C8orf34: variants seen among roughly 807,000 people sequenced by gnomAD.
C8orf34 encodes chromosome 8 open reading frame 34.
Under a neutral mutation model 68.3 loss-of-function variants are expected in C8orf34, and 65 were observed. The ratio of observed to expected loss-of-function variants is 0.95; its 90% CI spans 0.78 to 1.17. C8orf34 has a LOEUF of 1.17. Ranked by LOEUF, C8orf34 falls within the 50% of genes most tolerant of loss-of-function variation. C8orf34 has a pLI of 0.00. For synonymous variants in C8orf34, 244 were observed against 241.2 expected, an observed-to-expected ratio of 1.01 and a Z score of -0.11; for missense variants, 664 against 655.4, an observed-to-expected ratio of 1.01 and a Z score of -0.14.
At chr8:68,746,690 G>C (rs1213955779) in intron 10 of C8orf34, among the ~76,000 whole-genome samples, 2 of 147,888 alleles carry the variant, frequency 1.4e-5, no homozygotes, top group South Asian at 2.2e-4. Context: ...CCAGGAAGAA[G>C]TTGAATCTCT....
At chr8:68,624,779 C>T (rs955577715) in intron 7 of C8orf34, among the ~76,000 whole-genome samples, 2 of 152,068 alleles carry the variant, frequency 1.3e-5, no homozygotes, top group African/African-American at 4.8e-5. Flanking sequence ...TTCACTCTGT[C>T]ACAAAAAATG....
chr8:68,756,228 A>G (rs2129527811), intron 10 of C8orf34, among the ~76,000 whole-genome samples: 1 of 152,296 alleles, frequency 6.6e-6, no homozygotes, highest in East Asian at 1.9e-4. Context: ...TGAATGAGGA[A>G]ACAGGATTCA....
chr8:68,713,262 C>T (rs1463470127), intron 9 of C8orf34, among the ~76,000 whole-genome samples: 4 of 151,984 alleles, frequency 2.6e-5, no homozygotes, highest in Admixed American at 6.6e-5. Flanking sequence ...TACCTCCTAC[C>T]TCCTGGAACT....
At chr8:68,797,627 T>A (rs546288525) in intron 12 of C8orf34, among the ~76,000 whole-genome samples, 12 of 152,310 alleles carry the variant, frequency 7.9e-5, no homozygotes, top group Admixed American at 1.3e-4. Flanking sequence ...TTGAGCAATA[T>A]TTGAGATAGT....
chr8:68,556,793 T>G (rs1368908261), intron 7 of C8orf34, among the ~76,000 whole-genome samples: 1 of 152,224 alleles, frequency 6.6e-6, no homozygotes, highest in Non-Finnish European at 1.5e-5. Flanking sequence ...GTAGGTATGA[T>G]AGATTTCATC....
At chr8:68,643,534 G>A (rs1819075284) in intron 8 of C8orf34, among the ~76,000 whole-genome samples, 1 of 152,186 alleles carries the variant, frequency 6.6e-6, no homozygotes, top group Non-Finnish European at 1.5e-5. Flanking sequence ...AGACTGAGAA[G>A]TCCAAGATCA....
chr8:68,388,446 T>C (rs1808350338), intron 1 of C8orf34, among the ~76,000 whole-genome samples: 1 of 152,112 alleles, frequency 6.6e-6, no homozygotes, highest in Non-Finnish European at 1.5e-5. Context: ...GTCATTATGG[T>C]ATGCATTTTG....
intron 9 of C8orf34, among the ~76,000 whole-genome samples, chr8:68,713,312 A>T (rs1328876062): frequency 1.3e-5 from 2 of 152,122 alleles, no homozygotes; most frequent in African/African-American, 4.8e-5. Flanking sequence ...AAGAAAAGAG[A>T]TAACGAAGAT....
At chr8:68,449,309 T>A (rs2129627232) in intron 3 of C8orf34, among the ~76,000 whole-genome samples, 1 of 152,166 alleles carries the variant, frequency 6.6e-6, no homozygotes, top group East Asian at 1.9e-4. Flanking sequence ...AGATTAACCA[T>A]CCTAAAATGT....
chr8:68,736,492 A>G (rs1039327550), intron 10 of C8orf34, among the ~76,000 whole-genome samples: 4 of 152,112 alleles, frequency 2.6e-5, no homozygotes, highest in Non-Finnish European at 4.4e-5. Flanking sequence ...AAAATCTTCA[A>G]TCAAATTACT....
chr8:68,343,281 C>T (rs1003590048), intron 1 of C8orf34, among the ~76,000 whole-genome samples: 4 of 152,012 alleles, frequency 2.6e-5, no homozygotes, highest in Non-Finnish European at 5.9e-5. Flanking sequence ...CACACCTATC[C>T]GAATGGCTAA....
intron 5 of C8orf34, among the ~76,000 whole-genome samples, chr8:68,521,583 G>T (rs1386665704): frequency 1.3e-5 from 2 of 152,026 alleles, no homozygotes; most frequent in African/African-American, 2.4e-5. Flanking sequence ...TCAAAGCAAA[G>T]ATTTCACTCC....
At position 68,331,128 on chromosome 8, in the gene C8orf34, G is replaced by A. The variant is rs1299829427; in HGVS notation, c.116G>A (p.Arg39Gln). The A allele has an allele frequency of 1.3e-5, 20 of 1,510,896 alleles. No individual in the cohort carries two copies. Among genetic ancestry groups the A allele is most frequent in the Admixed American group, 6.3e-5 (3 of 47,880 alleles). 93.6% of individuals were successfully genotyped at this position (1,510,896 alleles called of 1,614,324 possible). Residue 39 changes from arginine to glutamine, a missense_variant, in exon 1 of 14, where the codon CGG becomes CAG. Physicochemically the swap from Arg to Gln is conservative, Grantham distance 43. Transcript: ENST00000518698. ...CGGGCTGCCACCCACGCCCGCGGCC[G>A]GGGCCGAGCCAGCCACGCAGGGCAG... ...APRAATHARGRGRASHAGQPR... is the reference protein window; with the variant it reads ...APRAATHARGQGRASHAGQPR...
rs556856245 is a variant in C8orf34 at position 68,554,239 on chromosome 8, C to T, written c.1105+21090C>T. ...TTTCAGTAAGTTCTTCCTTGAAATT[C>T]CTACCTTTATTGACAATATAAGGTA... On this transcript the variant is annotated intron_variant, in intron 7 of 13. Transcript: ENST00000518698. 7.2e-5 allele frequency among the ~76,000 whole-genome samples: 11 copies of T among 152,218 alleles called. No homozygotes were observed. The South Asian group carries it at 2.3e-3, about 32-fold the overall frequency.
intron 1 of C8orf34, among the ~76,000 whole-genome samples, chr8:68,411,156 G>A (rs181568946): frequency 2.6e-5 from 4 of 152,218 alleles, no homozygotes; most frequent in African/African-American, 7.2e-5. Flanking sequence ...GAGCATGAAG[G>A]AAGGGCTATT....
chr8:68,626,416 A>G (rs757847477), intron 7 of C8orf34, among the ~76,000 whole-genome samples: 7 of 152,242 alleles, frequency 4.6e-5, no homozygotes, highest in Non-Finnish European at 8.8e-5. Flanking sequence ...CTTCAGACAG[A>G]GTCAACTTTA....
intron 5 of C8orf34, among the ~76,000 whole-genome samples, chr8:68,496,578 C>A (rs1278080663): frequency 6.6e-6 from 1 of 152,176 alleles, no homozygotes; most frequent in East Asian, 1.9e-4. Context: ...GACAGTGTGC[C>A]ACGGGCTGTC....
intron 1 of C8orf34, among the ~76,000 whole-genome samples, chr8:68,383,229 A>G (rs1808116971): frequency 6.6e-6 from 1 of 152,150 alleles, no homozygotes. Context: ...GTAAAATTTT[A>G]TTGAAAATTC....
chr8:68,453,376 T>A (rs769559605), intron 3 of C8orf34, among the ~76,000 whole-genome samples: 3 of 152,024 alleles, frequency 2.0e-5, no homozygotes, highest in Non-Finnish European at 4.4e-5. Flanking sequence ...TGGAGAGTAC[T>A]GGGAACATAA....
Sources: gnomAD v4.1 joint callset for allele counts (sites outside exome capture counted in the v4.1 genomes callset) on GRCh38, gnomAD v4.1.1 for gene constraint, MANE v1.5 for transcripts, NCBI Gene and HGNC (gene_info 2026-07-23, HGNC 2026-07-21) for gene names.